ACSF2: variants seen among roughly 807,000 people sequenced by gnomAD.
The protein encoded by ACSF2 is medium-chain acyl-CoA ligase ACSF2, mitochondrial.
ACSF2 carries 52 observed loss-of-function variants against 79.3 expected under a neutral mutation model. The observed-to-expected ratio is 0.66, with a 90% CI of 0.53 to 0.83. The LOEUF (loss-of-function observed/expected upper bound fraction) is 0.83. Among genes scored for constraint, ACSF2 ranks in the 40% least tolerant of loss-of-function variants. The pLI is 0.00. For synonymous variants in ACSF2, 283 were observed against 312.6 expected (o/e 0.91, Z 1.00); for missense variants, 661 against 803.3 (o/e 0.82, Z 2.14).
chr17:50,464,054 C>T, intron 9 of ACSF2, 145 bp downstream of exon 9: 1 of 1,055,900 alleles, frequency 9.5e-7, no homozygotes, highest in Non-Finnish European at 1.4e-6. Context: ...GGAGGGAGAT[C>T]CCCAGTGTCC....
intron 1 of ACSF2, among the ~76,000 whole-genome samples, chr17:50,456,435 T>A (rs1173877512): frequency 6.6e-6 from 1 of 151,996 alleles, no homozygotes; most frequent in Non-Finnish European, 1.5e-5. Flanking sequence ...CACCCTCTGA[T>A]AAAAAGGTAC....
intron 10 of ACSF2, chr17:50,468,620 AC>A: frequency 1.2e-6 from 2 of 1,614,222 alleles, no homozygotes; most frequent in Non-Finnish European, 1.7e-6. Flanking sequence ...GGCAGCCAGC[AC>A]CGGGAAGTTG....
chr17:50,465,943 G>C, intron 10 of ACSF2: 1 of 1,565,460 alleles, frequency 6.4e-7, no homozygotes, highest in Non-Finnish European at 8.8e-7. Context: ...GAGTGCCAGA[G>C]GGGCAGGATC....
rs1309949033 is a variant in ACSF2, at chr17:50,471,341, GT to G, written c.1323+207del. On this transcript the variant is annotated intron_variant, in intron 11 of 15. Transcript: ENST00000300441. This position sits in a 1 kb window ranked among gnomAD's most constrained non-coding sequence, Gnocchi z 4.1. The stretch of plus-strand genomic sequence containing the variant: ...AAGGGGAAGAGCTGGAACAGTGGCT[GT>G]GAGCGGCTGCCAGCTGAACTTCTCC... 2 of 552,960 alleles carry G rather than the reference GT, an allele frequency of 3.6e-6. No homozygotes were observed. Among genetic ancestry groups the G allele is most frequent in the Non-Finnish European group, 6.5e-6 (2 of 306,732 alleles). The allele number at this position is 552,960 out of a possible 1,614,324, so 34.3% of individuals were successfully genotyped here. A position where few individuals can be genotyped will look rare whatever the true frequency, so the allele number is the denominator to read the frequency against.
At position 50,461,553 on chromosome 17, in the gene ACSF2, T is replaced by C. The variant is rs1047669512; in HGVS notation, c.454-80T>C. On this transcript the variant is annotated intron_variant, in intron 3 of 15. Transcript: ENST00000300441. The stretch of plus-strand genomic sequence containing the variant: ...TTAGGGGGCTGTAGAGTGCTGCCTC[T>C]ATGCCTCCTGGGGGCGGAGGGGCAG... 69 of 1,606,012 alleles carry C rather than the reference T, an allele frequency of 4.3e-5. No homozygotes were observed. The African/African-American group carries it at 7.2e-4, about 17-fold the overall frequency.
rs1453639745 is a variant in ACSF2, at chr17:50,463,516, A to G, written c.1010A>G (p.Asn337Ser). Residue 337 changes from asparagine to serine, a missense_variant, in exon 8 of 16, where the codon AAT becomes AGT. Transcript: ENST00000300441. The surrounding 1 kb of genome is among the most constrained non-coding windows in gnomAD (Gnocchi z 4.6). Reference protein sequence around the residue: ...ATLILASPIFNGKKALEAISR... With the variant: ...ATLILASPIFSGKKALEAISR... Reference sequence around the variant, plus strand: ...CTCATCCTGGCCTCTCCCATCTTCAATGGCAAGAAGGCACTGGAGGCCATC... The same window carrying G: ...CTCATCCTGGCCTCTCCCATCTTCAGTGGCAAGAAGGCACTGGAGGCCATC... 5.0e-6 allele frequency: 8 copies of G among 1,614,154 alleles called. No individual in the cohort carries two copies. Among genetic ancestry groups the G allele is most frequent in the Middle Eastern group, 1.6e-4 (1 of 6,062 alleles).
intron 1 of ACSF2, among the ~76,000 whole-genome samples, chr17:50,445,903 C>T (rs2031270131): frequency 6.6e-6 from 1 of 152,160 alleles, no homozygotes. Flanking sequence ...GCATCATCAG[C>T]TGCTCTGTGC....
intron 1 of ACSF2, chr17:50,426,809 TA>T: frequency 7.5e-7 from 1 of 1,326,716 alleles, no homozygotes; most frequent in Middle Eastern, 1.8e-4. Flanking sequence ...CCCAGGCCAC[TA>T]AACTTAGCAG....
chr17:50,473,553 G>C (rs2033211114), intron 12 of ACSF2, 112 bp from the exon 13 acceptor site: 17 of 1,459,966 alleles, frequency 1.2e-5, no homozygotes, highest in Non-Finnish European at 1.5e-5. Context: ...GTCTCCCAGA[G>C]TCTAGAGCAG....
In ACSF2 at chr17:50,474,455, G is replaced by A. The variant is rs1714130923; in HGVS notation, c.1798-47G>A. 2.5e-6 allele frequency: 4 copies of A among 1,598,714 alleles called. No individual in the cohort carries two copies. The highest frequency in any genetic ancestry group is 1.7e-5 in the Admixed American group (1 of 59,930). On this transcript the variant is annotated intron_variant, in intron 15 of 15. Coordinates refer to ENST00000300441, the MANE Select transcript of ACSF2 (RefSeq NM_025149.6). The surrounding 1 kb of genome is among the most constrained non-coding windows in gnomAD (Gnocchi z 4.2). ...AGCCTGAGAAACCCCTTATTCTTGG[G>A]TGAACCAAGACAGCTGGTAACCCTA...
intron 11 of ACSF2, chr17:50,472,193 C>T: frequency 2.0e-6 from 1 of 507,348 alleles, no homozygotes; most frequent in South Asian, 2.8e-5. Context: ...TTCCTCAGCC[C>T]TCCCAGCCTG....
Position 50,463,958 on chromosome 17 carries a change from C to T in ACSF2, c.1138+49C>T. 4 of 1,581,238 alleles carry T rather than the reference C, an allele frequency of 2.5e-6. No homozygotes were observed. Among genetic ancestry groups the T allele is most frequent in the South Asian group, 1.1e-5 (1 of 90,356 alleles). On this transcript the variant is annotated intron_variant, in intron 9 of 15. Transcript: ENST00000300441. The surrounding 1 kb of genome is among the most constrained non-coding windows in gnomAD (Gnocchi z 4.6). Reference sequence around the variant, plus strand: ...AGGCTTGGGGAGGGGGCTGCTTCCCCCACAGGAATGGCCCGGGTGAGTTAG... The same window carrying T: ...AGGCTTGGGGAGGGGGCTGCTTCCCTCACAGGAATGGCCCGGGTGAGTTAG...
chr17:50,461,258 C>G lies in ACSF2; in HGVS notation c.341C>G (p.Ser114Cys), dbSNP rs1200159122. 2.5e-6 allele frequency: 4 copies of G among 1,614,090 alleles called. No individual in the cohort carries two copies. The highest frequency in any genetic ancestry group is 8.5e-7 in the Non-Finnish European group (1 of 1,180,020). ...QLKEEVDKAA[S>C]GLLSIGLCKG... ...TTACACTAGGTGGACAAAGCTGCTT[C>G]TGGCCTCCTGAGCATTGGCCTCTGC... Residue 114 changes from serine to cysteine, a missense_variant, in exon 3 of 16, where the codon TCT (serine) becomes TGT (cysteine). Transcript: ENST00000300441.
intron 10 of ACSF2, chr17:50,467,729 G>T: frequency 3.4e-6 from 1 of 293,322 alleles, no homozygotes; most frequent in Non-Finnish European, 6.3e-6. Context: ...GGAAGAGGTG[G>T]CTGCTGCTCA....
intron 10 of ACSF2, chr17:50,468,014 GGCAGA>G (rs770489125): frequency 3.2e-6 from 5 of 1,553,108 alleles, no homozygotes; most frequent in Non-Finnish European, 4.4e-6. Flanking sequence ...AAGGAACCAG[GGCAGA>G]GCCCACAGCC....
chr17:50,468,998 C>T, intron 10 of ACSF2: 28 of 1,358,362 alleles, frequency 2.1e-5, no homozygotes, highest in Non-Finnish European at 2.5e-5. Flanking sequence ...CCCAGAGATG[C>T]GCCCCCGCCC....
At chr17:50,459,729 G>A (rs942074584) in intron 1 of ACSF2, among the ~76,000 whole-genome samples, 3 of 152,072 alleles carry the variant, frequency 2.0e-5, no homozygotes, top group African/African-American at 7.2e-5. Flanking sequence ...CTACTCCCGT[G>A]ACTGCCCAGG....
chr17:50,438,502 G>A (rs967431143), intron 1 of ACSF2, among the ~76,000 whole-genome samples: 2 of 152,192 alleles, frequency 1.3e-5, no homozygotes, highest in Admixed American at 6.5e-5. Context: ...TAAAGTGTCT[G>A]CTGCTGGGCT....
intron 10 of ACSF2, 183 bp from the exon 11 acceptor site, chr17:50,470,845 C>T (rs2033083063): frequency 6.8e-6 from 4 of 590,334 alleles, no homozygotes; most frequent in South Asian, 3.9e-5. Flanking sequence ...ATCTAGTCTG[C>T]TCACTCCCAG....
Sources: gnomAD v4.1 joint callset for allele counts (sites outside exome capture counted in the v4.1 genomes callset) on GRCh38, gnomAD v4.1.1 for gene constraint, Gnocchi (gnomAD v3.1) non-coding constraint, MANE v1.5 for transcripts, NCBI Gene and HGNC (gene_info 2026-07-23, HGNC 2026-07-21) for gene names.